MAST1: variants seen among roughly 807,000 people sequenced by gnomAD.
MAST1 encodes the protein microtubule associated serine/threonine kinase 1.
Under a neutral mutation model 124.6 loss-of-function variants are expected in MAST1, and 40 were observed. That is an observed-to-expected ratio of 0.32 (90% CI 0.25 to 0.42). The LOEUF is 0.42. MAST1 is among the 10% of genes least tolerant of loss of function. The pLI, the probability that MAST1 is intolerant of heterozygous loss-of-function variation, is 1.00. For synonymous variants in MAST1, 938 were observed against 939.4 expected (o/e 1.00, Z 0.03); for missense variants, 1,558 against 2,181.9 (o/e 0.71, Z 5.70).
At position 12,843,449 on chromosome 19, in the gene MAST1, C is replaced by T; in HGVS notation, c.249-80C>T. ...CCCCCAACCCCCACCCTGGCCCTGGCCAGTGGCTTCACCCACACCCTGAGG... is the reference window on the plus strand; with the variant it reads ...CCCCCAACCCCCACCCTGGCCCTGGTCAGTGGCTTCACCCACACCCTGAGG... On this transcript the variant is annotated intron_variant, in intron 3 of 25. Coordinates refer to ENST00000251472, the MANE Select transcript of MAST1 (RefSeq NM_014975.3). The surrounding 1 kb of genome is among the most constrained non-coding windows in gnomAD (Gnocchi z 4.9). The T allele has an allele frequency of 1.8e-6, 2 of 1,099,850 alleles. No individual in the cohort carries two copies. Among genetic ancestry groups the T allele is most frequent in the Middle Eastern group, 2.0e-4 (1 of 4,904 alleles). 68.1% of individuals were successfully genotyped at this position (1,099,850 alleles called of 1,614,324 possible).
At position 12,847,720 on chromosome 19, in the gene MAST1, C is replaced by G; in HGVS notation, c.564+33C>G. 1.2e-6 allele frequency: 2 copies of G among 1,608,944 alleles called. No individual in the cohort carries two copies. The highest frequency in any genetic ancestry group is 1.8e-4 in the Middle Eastern group (1 of 5,630). Reference sequence around the variant, plus strand: ...GGGACCCGAGGCGGTCACGGGGTGACCAGGCGGCCTGCACTCTCGCTCGCC... The same window carrying G: ...GGGACCCGAGGCGGTCACGGGGTGAGCAGGCGGCCTGCACTCTCGCTCGCC... On this transcript the variant is annotated intron_variant, in intron 6 of 25. Transcript: ENST00000251472. The surrounding 1 kb of genome is among the most constrained non-coding windows in gnomAD (Gnocchi z 5.5).
intron 4 of MAST1, among the ~76,000 whole-genome samples, chr19:12,845,807 C>A (rs1001928261): frequency 6.6e-6 from 1 of 152,036 alleles, no homozygotes; most frequent in Non-Finnish European, 1.5e-5. Flanking sequence ...CAGGTGCCCA[C>A]CACCATGCCT....
chr19:12,872,381 G>A (rs1970247094), intron 24 of MAST1, among the ~76,000 whole-genome samples: 1 of 152,120 alleles, frequency 6.6e-6, no homozygotes, highest in Admixed American at 6.6e-5. Context: ...ACTCTTATAG[G>A]TGGGTTGTAG....
At position 12,869,157 on chromosome 19, in the gene MAST1, G is replaced by C; in HGVS notation, c.2865G>C (p.Arg955=). Residue 955 remains arginine, a synonymous_variant, in exon 22 of 26, where the codon CGG becomes CGC. Coordinates refer to ENST00000251472, the MANE Select transcript of MAST1 (RefSeq NM_014975.3). ...CCTCACGGGACTCCTCACCCAGCCG[G>C]GACTACTCACCAGCTGTCAGTGGGC... ...NPSSRDSSPS[R]DYSPAVSGLR... 1 of 1,614,148 alleles carries C rather than the reference G, an allele frequency of 6.2e-7. No homozygotes were observed.
At position 12,843,189 on chromosome 19, in the gene MAST1, A is replaced by G. The variant is rs1179465283; in HGVS notation, c.249-340A>G. On this transcript the variant is annotated intron_variant, in intron 3 of 25. Transcript: ENST00000251472. The surrounding 1 kb of genome is among the most constrained non-coding windows in gnomAD (Gnocchi z 4.9). The stretch of plus-strand genomic sequence containing the variant: ...GAGAAGATCCAAGGGTCTCCCTCAG[A>G]GCTTTCTCATGGAGAGTGTTCACTT... Among the ~76,000 whole-genome samples, 1 of 138,780 alleles carries G rather than the reference A, an allele frequency of 7.2e-6. No individual in the cohort carries two copies. The highest frequency in any genetic ancestry group is 2.7e-5 in the African/African-American group (1 of 36,774). The allele number at this position is 138,780 out of a possible 152,430, so 91.0% of individuals were successfully genotyped here. A position where few individuals can be genotyped will look rare whatever the true frequency, so the allele number is the denominator to read the frequency against.
chr19:12,847,810 G>A lies in MAST1; in HGVS notation c.565-38G>A. 6.3e-6 allele frequency: 10 copies of A among 1,587,220 alleles called. No homozygotes were observed. The highest frequency in any genetic ancestry group is 7.7e-6 in the Non-Finnish European group (9 of 1,165,274). The stretch of plus-strand genomic sequence containing the variant: ...CAGGCTCCTGGCGGCCGCAGCCTTC[G>A]GGCACAGCCCCGCGCCCCTCCTCCG... On this transcript the variant is annotated intron_variant, in intron 6 of 25. Coordinates refer to ENST00000251472, the MANE Select transcript of MAST1 (RefSeq NM_014975.3). The surrounding 1 kb of genome is among the most constrained non-coding windows in gnomAD (Gnocchi z 5.5).
At chr19:12,858,281 T>G in intron 10 of MAST1, 81 bp from the exon 11 acceptor site, 1 of 1,245,500 alleles carries the variant, frequency 8.0e-7, no homozygotes, top group Non-Finnish European at 1.1e-6. Flanking sequence ...GTGCCTCAGT[T>G]TCCCCATGTG....
intron 10 of MAST1, among the ~76,000 whole-genome samples, chr19:12,853,256 C>T (rs957915614): frequency 4.0e-5 from 6 of 151,408 alleles, no homozygotes; most frequent in African/African-American, 7.3e-5. Flanking sequence ...CAGGCATGAG[C>T]CACCGCGCCC....
At position 12,874,141 on chromosome 19, in the gene MAST1, C is replaced by A. The variant is rs1253434393; in HGVS notation, c.3984C>A (p.Val1328=). Residue 1328 remains valine (V), a synonymous_variant, in exon 26 of 26, where the codon GTC becomes GTA. Transcript: ENST00000251472. The surrounding 1 kb of genome is among the most constrained non-coding windows in gnomAD (Gnocchi z 6.6). The part of the protein sequence containing the change: ...EGLGAPRQVA[V]RRLGRQESPL... ...TTGGCGCGCCCCGGCAGGTCGCCGT[C>A]CGCCGCCTGGGCCGACAGGAGTCAC... 3.9e-5 allele frequency: 60 copies of A among 1,541,040 alleles called. No individual in the cohort carries two copies. Among genetic ancestry groups the A allele is most frequent in the Non-Finnish European group, 5.1e-5 (59 of 1,145,886 alleles).
Position 12,874,773 on chromosome 19 carries a change from C to G in MAST1, c.4616C>G (p.Pro1539Arg). The change falls in exon 26 of 26, where the codon CCT becomes CGT. Residue 1539 changes from proline to arginine, a missense_variant. Coordinates refer to ENST00000251472, the MANE Select transcript of MAST1 (RefSeq NM_014975.3). This position sits in a 1 kb window ranked among gnomAD's most constrained non-coding sequence, Gnocchi z 6.6. ...TCCCTCTTGGGCTCAGGCACCAAGC[C>G]TCAAGTGGGGCTGACCTCCCGGTGC... ...PASLLGSGTK[P>R]QVGLTSRCPA... is the part of the protein sequence containing the mutation. 6.2e-7 allele frequency: 1 copy of G among 1,604,870 alleles called. No individual in the cohort carries two copies.
Position 12,852,333 on chromosome 19 carries a change from G to A in MAST1, c.1015G>A (p.Val339Met). The A allele has an allele frequency of 6.2e-7, 1 of 1,614,096 alleles. No homozygotes were observed. The highest frequency in any genetic ancestry group is 8.5e-7 in the Non-Finnish European group (1 of 1,180,002). ...CACTCTCAGTCCCTCCCTAGATGTG[G>A]TGCATCTGGAGGAACAGGACAGTGG... ...GLTRDPFPDV[V>M]HLEEQDSGGS... The change falls in exon 10 of 26, where the codon GTG becomes ATG. Residue 339 changes from valine (V) to methionine (M), a missense_variant. By Grantham distance (21) the Val-to-Met change is conservative. Around this residue, in one of 10 missense-constraint regions of MAST1, gnomAD observed 136 missense variants for 160.9 expected, o/e 0.85. Coordinates refer to ENST00000251472, the MANE Select transcript of MAST1 (RefSeq NM_014975.3).
chr19:12,865,972 C>G lies in MAST1; in HGVS notation c.1907-8C>G, dbSNP rs369972111. Reference sequence around the variant, plus strand: ...CATCAGCTGTGGCTGGAATCCCTTCCGTCCCAGGCGGCGCTTTTGAGGTGA... The same window carrying G: ...CATCAGCTGTGGCTGGAATCCCTTCGGTCCCAGGCGGCGCTTTTGAGGTGA... On this transcript the variant is annotated splice_region_variant and splice_polypyrimidine_tract_variant and intron_variant, in intron 16 of 25. Coordinates refer to ENST00000251472, the MANE Select transcript of MAST1 (RefSeq NM_014975.3). The surrounding 1 kb of genome is among the most constrained non-coding windows in gnomAD (Gnocchi z 7.1). The G allele has an allele frequency of 6.2e-6, 10 of 1,613,594 alleles. No homozygotes were observed. Among genetic ancestry groups the G allele is most frequent in the Non-Finnish European group, 8.5e-6 (10 of 1,179,922 alleles).
intron 22 of MAST1, among the ~76,000 whole-genome samples, 185 bp downstream of exon 22, chr19:12,869,480 C>T (rs1453635426): frequency 6.6e-6 from 1 of 152,116 alleles, no homozygotes; most frequent in Non-Finnish European, 1.5e-5. Flanking sequence ...TGTCGCCAGG[C>T]CGGAGTGCAG....
rs954594856 is a variant in MAST1 at position 12,843,090 on chromosome 19, G to C, written c.249-439G>C. Among the ~76,000 whole-genome samples the C allele has an allele frequency of 1.3e-5, 2 of 152,208 alleles. No homozygotes were observed. Among genetic ancestry groups the C allele is most frequent in the South Asian group, 4.1e-4 (2 of 4,830 alleles). On this transcript the variant is annotated intron_variant, in intron 3 of 25. Transcript: ENST00000251472. This position sits in a 1 kb window ranked among gnomAD's most constrained non-coding sequence, Gnocchi z 4.9. ...TTTGGCTGCAACAGTGACTGTGTCT[G>C]TGTGCACGAGAGCATAAGGACACAA...
Position 12,838,704 on chromosome 19 carries a change from C to G in MAST1, c.83+49C>G, listed in dbSNP as rs1257815148. ...TTGTCCCGGCCCTCCCCGCAAAAGCCGCCGCTCCGGGTACTGCTGCAGGGC... is the reference window on the plus strand; with the variant it reads ...TTGTCCCGGCCCTCCCCGCAAAAGCGGCCGCTCCGGGTACTGCTGCAGGGC... On this transcript the variant is annotated intron_variant, in intron 1 of 25. Coordinates refer to ENST00000251472, the MANE Select transcript of MAST1 (RefSeq NM_014975.3). This position sits in a 1 kb window ranked among gnomAD's most constrained non-coding sequence, Gnocchi z 4.3. 4.5e-6 allele frequency: 7 copies of G among 1,563,656 alleles called. No homozygotes were observed. The highest frequency in any genetic ancestry group is 6.1e-6 in the Non-Finnish European group (7 of 1,142,098).
rs1248069864 is a variant in MAST1, at chr19:12,874,944, G to A, written c.*74G>A. 1 of 1,512,074 alleles carries A rather than the reference G, an allele frequency of 6.6e-7. No homozygotes were observed. Among genetic ancestry groups the A allele is most frequent in the Non-Finnish European group, 8.9e-7 (1 of 1,125,286 alleles). The allele number at this position is 1,512,074 out of a possible 1,614,324, so 93.7% of individuals were successfully genotyped here. A position where few individuals can be genotyped will look rare whatever the true frequency, so the allele number is the denominator to read the frequency against. ...ACACATATAAATAAAGTGCGTCCGTGCTGCGTGAGTTTTCTGGGGCTCACT... is the reference window on the plus strand; with the variant it reads ...ACACATATAAATAAAGTGCGTCCGTACTGCGTGAGTTTTCTGGGGCTCACT... On this transcript the variant is annotated 3_prime_UTR_variant, in exon 26 of 26. Transcript: ENST00000251472. The surrounding 1 kb of genome is among the most constrained non-coding windows in gnomAD (Gnocchi z 6.6).
In MAST1 at chr19:12,841,648, T is replaced by C. The variant is rs914199667; in HGVS notation, c.248+582T>C. Among the ~76,000 whole-genome samples the C allele has an allele frequency of 1.3e-5, 2 of 152,240 alleles. No homozygotes were observed. Among genetic ancestry groups the C allele is most frequent in the African/African-American group, 2.4e-5 (1 of 41,460 alleles). The stretch of plus-strand genomic sequence containing the variant: ...GAGTTTGGGCCTGTCTCTTTTTCTT[T>C]GAACTCTATTCATTCTAAAAATGGT... On this transcript the variant is annotated intron_variant, in intron 3 of 25. Transcript: ENST00000251472. This position sits in a 1 kb window ranked among gnomAD's most constrained non-coding sequence, Gnocchi z 4.3.
chr19:12,874,471 A>G lies in MAST1; in HGVS notation c.4314A>G (p.Val1438=), dbSNP rs778976304. The change falls in exon 26 of 26, where the codon GTA becomes GTG. Residue 1438 remains valine, a synonymous_variant. Coordinates refer to ENST00000251472, the MANE Select transcript of MAST1 (RefSeq NM_014975.3). This position sits in a 1 kb window ranked among gnomAD's most constrained non-coding sequence, Gnocchi z 6.6. The stretch of plus-strand genomic sequence containing the variant: ...GCACACCCCTGGTACCCATTGTCGT[A>G]GAGCCTGCGCGGCCCGGGGCTAAGG... ...EAGTPLVPIV[V]EPARPGAKAV... is the part of the protein sequence containing the mutation. The G allele has an allele frequency of 6.9e-6, 11 of 1,585,004 alleles. No homozygotes were observed. The highest frequency in any genetic ancestry group is 8.5e-6 in the Non-Finnish European group (10 of 1,170,664).
chr19:12,866,224 A>T lies in MAST1; in HGVS notation c.2029+122A>T. 6 of 477,408 alleles carry T rather than the reference A, an allele frequency of 1.3e-5. No homozygotes were observed. The highest frequency in any genetic ancestry group is 1.7e-5 in the Non-Finnish European group (6 of 343,476). The allele number at this position is 477,408 out of a possible 1,614,324, so 29.6% of individuals were successfully genotyped here. ...ACCAAGATGTGATGCCTAGGTGCGA[A>T]GGTGGTATTTTGGTGGGGGCGGGGC... On this transcript the variant is annotated intron_variant, in intron 17 of 25. Coordinates refer to ENST00000251472, the MANE Select transcript of MAST1 (RefSeq NM_014975.3). This position sits in a 1 kb window ranked among gnomAD's most constrained non-coding sequence, Gnocchi z 5.2.
Sources: allele counts gnomAD v4.1 joint callset (sites outside exome capture counted in the v4.1 genomes callset), GRCh38; gene constraint gnomAD v4.1.1; regional missense constraint gnomAD v4.1.1; non-coding constraint Gnocchi (gnomAD v3.1); transcripts MANE v1.5; gene names NCBI Gene and HGNC (gene_info 2026-07-23, HGNC 2026-07-21).